ZNF710: variants seen among roughly 807,000 people sequenced by gnomAD.
ZNF710 encodes the protein zinc finger protein 710.
In ZNF710, 13 loss-of-function variants were observed where a neutral mutation model predicts 50.6. The ratio of observed to expected loss-of-function variants is 0.26; its 90% confidence interval spans 0.17 to 0.41. The LOEUF (loss-of-function observed/expected upper bound fraction) is 0.41. ZNF710 is among the 10% of genes least tolerant of loss of function. ZNF710 has a pLI of 1.00. For synonymous variants in ZNF710, 383 were observed against 397.0 expected, an observed-to-expected ratio of 0.96 and a Z score of 0.42; for missense variants, 721 against 936.6, an observed-to-expected ratio of 0.77 and a Z score of 3.01.
chr15:90,027,004 T>C (rs1247590988), intron 1 of ZNF710, among the ~76,000 whole-genome samples: 9 of 152,212 alleles, frequency 5.9e-5, no homozygotes, highest in Admixed American at 5.9e-4. Context: ...ACATTGCTTT[T>C]AACACTCTAG....
At chr15:90,016,911 C>T (rs1204467988) in intron 1 of ZNF710, among the ~76,000 whole-genome samples, 1 of 152,236 alleles carries the variant, frequency 6.6e-6, no homozygotes, top group African/African-American at 2.4e-5. Flanking sequence ...CCAGCCACAT[C>T]AGACACTTCG....
intron 1 of ZNF710, among the ~76,000 whole-genome samples, chr15:90,003,602 G>C (rs1023663773): frequency 3.3e-5 from 5 of 152,226 alleles, no homozygotes; most frequent in Non-Finnish European, 7.3e-5. Context: ...TTCTTAACTC[G>C]TTAGATAAGA....
At chr15:90,008,805 C>T (rs1213061686) in intron 1 of ZNF710, among the ~76,000 whole-genome samples, 6 of 151,460 alleles carry the variant, frequency 4.0e-5, no homozygotes, top group South Asian at 2.1e-4. Flanking sequence ...TGGTCTCTTT[C>T]GCAATCACCA....
At chr15:90,050,118 C>T (rs1336784520) in intron 1 of ZNF710, among the ~76,000 whole-genome samples, 8 of 152,256 alleles carry the variant, frequency 5.3e-5, no homozygotes, top group African/African-American at 1.7e-4. Context: ...TGTCCCTCCC[C>T]CCAGGAGATA....
chr15:90,056,822 A>G (rs1043034854), intron 1 of ZNF710, among the ~76,000 whole-genome samples: 3 of 152,114 alleles, frequency 2.0e-5, no homozygotes, highest in Admixed American at 6.5e-5. Flanking sequence ...GCCCACAGTA[A>G]TTTGTGCAGC....
rs904810746 is a variant in ZNF710 at position 90,074,008 on chromosome 15, A to C, written c.1651-108A>C. 14 of 1,251,586 alleles carry C rather than the reference A, an allele frequency of 1.1e-5. No individual in the cohort carries two copies. The East Asian group carries it at 1.2e-4, about 10-fold the overall frequency. 77.5% of individuals were successfully genotyped at this position (1,251,586 alleles called of 1,614,324 possible). On this transcript the variant is annotated intron_variant, in intron 3 of 4. Transcript: ENST00000268154. ...CTGTCTCAAAAAAAAAACAAAAAAA[A>C]AAAACAAAAGAATAGGATTCTGGCC... is the stretch of plus-strand genomic sequence containing the variant.
intron 1 of ZNF710, among the ~76,000 whole-genome samples, chr15:90,008,430 A>G (rs187634607): frequency 7.8e-4 from 108 of 137,984 alleles, no homozygotes; most frequent in African/African-American, 2.8e-3. Flanking sequence ...GTGTGTGTAT[A>G]TATATATATA....
At position 90,034,331 on chromosome 15, in the gene ZNF710, A is replaced by C. The variant is rs1310443754; in HGVS notation, c.-29+32717A>C. Among the ~76,000 whole-genome samples the C allele has an allele frequency of 3.9e-5, 6 of 152,020 alleles. No individual in the cohort carries two copies. Among genetic ancestry groups the C allele is most frequent in the African/African-American group, 1.4e-4 (6 of 41,382 alleles). On this transcript the variant is annotated intron_variant, in intron 1 of 4. Transcript: ENST00000268154. The surrounding 1 kb of genome is among the most constrained non-coding windows in gnomAD (Gnocchi z 4.0). ...CACATGGTCTGCACTCAGGAAAGGG[A>C]GGAATTCTTTGTGCTGTTTTGTCTA...
At chr15:90,060,575 C>T (rs1016033619) in intron 1 of ZNF710, among the ~76,000 whole-genome samples, 1 of 151,910 alleles carries the variant, frequency 6.6e-6, no homozygotes, top group African/African-American at 2.4e-5. Flanking sequence ...AAAGTCAGGC[C>T]GGGCGCAGTA....
At position 90,068,003 on chromosome 15, in the gene ZNF710, G is replaced by A. The variant is rs1739586046; in HGVS notation, c.866G>A (p.Gly289Asp). ...GACGACTCCTATCTGGTGGAGGCGG[G>A]CGACCGCCAGAAGCGCTGGCAGTGC... ...QIDDSYLVEA[G>D]DRQKRWQCRM... The change falls in exon 2 of 5, where the codon GGC (glycine) becomes GAC (aspartate). Residue 289 changes from glycine to aspartate, a missense_variant. By Grantham distance (94) the Gly-to-Asp change is moderately conservative (BLOSUM62 -1). This residue lies in a region of ZNF710 where 326 missense variants were observed against 522.0 expected (regional missense o/e 0.62). Coordinates refer to ENST00000268154, the MANE Select transcript of ZNF710 (RefSeq NM_198526.4). The surrounding 1 kb of genome is among the most constrained non-coding windows in gnomAD (Gnocchi z 5.0). 4 of 1,613,992 alleles carry A rather than the reference G, an allele frequency of 2.5e-6. No individual in the cohort carries two copies. Among genetic ancestry groups the A allele is most frequent in the Non-Finnish European group, 3.4e-6 (4 of 1,180,028 alleles).
chr15:90,008,769 C>CA (rs932275434), intron 1 of ZNF710, among the ~76,000 whole-genome samples: 59 of 134,602 alleles, frequency 4.4e-4, no homozygotes, highest in South Asian at 4.7e-4. Context: ...AACCCTGTCT[C>CA]AAAAAAAAAA....
chr15:90,062,238 G>C lies in ZNF710; in HGVS notation c.-28-4872G>C, dbSNP rs1900033036. ...TCTCCCTTTCTCTCTCTCTCTCTCT[G>C]ATATGTCCTCCCTTCCCCCACTCCC... On this transcript the variant is annotated intron_variant, in intron 1 of 4. Coordinates refer to ENST00000268154, the MANE Select transcript of ZNF710 (RefSeq NM_198526.4). This position sits in a 1 kb window ranked among gnomAD's most constrained non-coding sequence, Gnocchi z 5.6. Among the ~76,000 whole-genome samples, 1 of 140,546 alleles carries C rather than the reference G, an allele frequency of 7.1e-6. No homozygotes were observed. Among genetic ancestry groups the C allele is most frequent in the Non-Finnish European group, 1.5e-5 (1 of 65,750 alleles). 92.2% of individuals were successfully genotyped at this position (140,546 alleles called of 152,430 possible).
intron 1 of ZNF710, among the ~76,000 whole-genome samples, chr15:90,046,425 G>A (rs34233397): frequency 0.18 from 28,104 of 152,112 alleles, 3,323 homozygotes; most frequent in East Asian, 0.61. Flanking sequence ...TCCCTGCCCC[G>A]CAGAGCCCAG....
chr15:89,999,607 G>A (rs868179674), upstream of ZNF710, among the ~76,000 whole-genome samples: 45 of 152,250 alleles, frequency 3.0e-4, no homozygotes, highest in African/African-American at 1.1e-3. Context: ...CCTCGTCAGA[G>A]ACAAATGTGT....
chr15:90,046,914 G>A (rs1380078292), intron 1 of ZNF710, among the ~76,000 whole-genome samples: 2 of 152,144 alleles, frequency 1.3e-5, no homozygotes, highest in African/African-American at 2.4e-5. Context: ...AGAGATTTGA[G>A]CCTGGGCCCA....
intron 1 of ZNF710, among the ~76,000 whole-genome samples, chr15:90,045,172 T>C (rs1899420609): frequency 6.6e-6 from 1 of 152,226 alleles, no homozygotes; most frequent in Non-Finnish European, 1.5e-5. Flanking sequence ...TTACTGTGGC[T>C]GCTGGAGGGC....
chr15:90,025,612 A>T (rs1288121642), intron 1 of ZNF710: 2 of 152,160 alleles, frequency 1.3e-5, no homozygotes, highest in Non-Finnish European at 2.9e-5. Flanking sequence ...TTTTCATTTG[A>T]CATAACATTA....
chr15:90,030,596 G>T (rs1898910602), intron 1 of ZNF710, among the ~76,000 whole-genome samples: 1 of 152,094 alleles, frequency 6.6e-6, no homozygotes, highest in South Asian at 2.1e-4. Context: ...GTTAACCAGT[G>T]GGGGAGGGGG....
At chr15:90,031,060 G>A (rs1898935143) in intron 1 of ZNF710, among the ~76,000 whole-genome samples, 1 of 147,474 alleles carries the variant, frequency 6.8e-6, no homozygotes, top group South Asian at 2.1e-4. Flanking sequence ...GGATTGTTTG[G>A]TAACAAATGG....
Sources: gnomAD v4.1 joint callset for allele counts (sites outside exome capture counted in the v4.1 genomes callset) on GRCh38, gnomAD v4.1.1 for gene constraint, gnomAD v4.1.1 regional missense constraint, Gnocchi (gnomAD v3.1) non-coding constraint, MANE v1.5 for transcripts, NCBI Gene and HGNC (gene_info 2026-07-23, HGNC 2026-07-21) for gene names.